LRP2: variants seen among roughly 807,000 people sequenced by gnomAD.
LRP2 encodes the protein LDL receptor related protein 2.
LRP2 carries 172 observed loss-of-function variants against 531.0 expected under a neutral mutation model. That is an observed-to-expected ratio of 0.32 (90% CI 0.29 to 0.37). The LOEUF (loss-of-function observed/expected upper bound fraction) is 0.37, where lower values mean the gene tolerates loss of function less well. Ranked by LOEUF, LRP2 falls within the 10% of genes least tolerant of loss-of-function variation. The probability of loss-of-function intolerance (pLI) is 1.00; values close to 1 mark genes in which losing one functional copy is unlikely to be tolerated. For missense variants in LRP2, 5,167 were observed against 5,868.3 expected (o/e 0.88, Z 3.90); for synonymous variants, 1,992 against 2,027.6 (o/e 0.98, Z 0.47).
chr2:169,146,032 T>G (rs1685895138), intron 69 of LRP2, 109 bp from the exon 70 acceptor site: 2 of 984,596 alleles, frequency 2.0e-6, no homozygotes, highest in Non-Finnish European at 3.1e-6. Context: ...AATTATTCCC[T>G]CATACAATGC....
chr2:169,182,187 A>G lies in LRP2; in HGVS notation c.9978T>C (p.Leu3326=). The G allele has an allele frequency of 6.2e-7, 1 of 1,614,148 alleles. No individual in the cohort carries two copies. The highest frequency in any genetic ancestry group is 8.5e-7 in the Non-Finnish European group (1 of 1,180,008). The change falls in exon 51 of 79, where the codon CTT becomes CTC. Residue 3326 remains leucine (L), a synonymous_variant. Coordinates refer to ENST00000649046, the MANE Select transcript of LRP2 (RefSeq NM_004525.3). ...NTFCFDNPRG[L]ALHPQYGYLY... ...AATACCCATATTGAGGGTGAAGGGC[A>G]AGTCCTCTGGGATTATCAAAGCAGA...
rs550141077 is a variant in LRP2, at chr2:169,244,945, C to A, written c.3191-13G>T. On this transcript the variant is annotated splice_polypyrimidine_tract_variant and intron_variant, in intron 21 of 78. Coordinates refer to ENST00000649046, the MANE Select transcript of LRP2 (RefSeq NM_004525.3). ...GAACAGGTATTATCTACAATAGTAA[C>A]AAACTGGTCATGAAGACATTTGTTT... 1.2e-6 allele frequency: 2 copies of A among 1,614,100 alleles called. No homozygotes were observed. The highest frequency in any genetic ancestry group is 2.2e-5 in the East Asian group (1 of 44,886).
intron 29 of LRP2, among the ~76,000 whole-genome samples, 172 bp from the exon 30 acceptor site, chr2:169,233,760 A>G (rs1429570456): frequency 6.6e-6 from 1 of 152,270 alleles, no homozygotes; most frequent in Non-Finnish European, 1.5e-5. Context: ...AATTCGTCCT[A>G]TATCCCACTA....
At chr2:169,307,567 C>A (rs577581766) in intron 3 of LRP2, among the ~76,000 whole-genome samples, 170 bp from the exon 4 acceptor site, 48 of 148,876 alleles carry the variant, frequency 3.2e-4, no homozygotes, top group Admixed American at 4.0e-4. Flanking sequence ...ATAATGTTAT[C>A]AAAATGCCCA....
At position 169,231,959 on chromosome 2, in the gene LRP2, T is replaced by C. The variant is rs1689423104; in HGVS notation, c.5099-117A>G. The C allele has an allele frequency of 4.8e-6, 6 of 1,247,076 alleles. No individual in the cohort carries two copies. The East Asian group carries it at 1.5e-4, about 32-fold the overall frequency. 77.3% of individuals were successfully genotyped at this position (1,247,076 alleles called of 1,614,324 possible). On this transcript the variant is annotated intron_variant, in intron 30 of 78. Transcript: ENST00000649046. The stretch of plus-strand genomic sequence containing the variant: ...CCCAGTACAGGGGGGCTTAAGTACG[T>C]TGTTACCTCTGTTGTTTTCTTTTGT...
chr2:169,317,029 A>G (rs74342879), intron 3 of LRP2, among the ~76,000 whole-genome samples: 5,066 of 152,272 alleles, frequency 0.033, 136 homozygotes, highest in Non-Finnish European at 0.055. Context: ...TTTAGTGAAT[A>G]CAGAGGTGGC....
intron 55 of LRP2, 135 bp downstream of exon 55, chr2:169,175,058 G>A (rs533884469): frequency 4.2e-5 from 28 of 670,112 alleles, no homozygotes; most frequent in African/African-American, 3.8e-4. Flanking sequence ...AATAGAAAAA[G>A]GATGGAGCCT....
In LRP2 at chr2:169,156,331, A is replaced by T; in HGVS notation, c.12094T>A (p.Cys4032Ser). ...CTCATAGACGTGAAGCCATCAGCAC[A>T]GACACACTCATAACTTCCTTTGGTA... ...RNTKGSYECV[C>S]ADGFTSMSDR... The change falls in exon 65 of 79, where the codon TGT (cysteine) becomes AGT (serine). Residue 4032 changes from cysteine to serine, a missense_variant. By Grantham distance (112) the Cys-to-Ser change is moderately radical. Around this residue, in one of 6 missense-constraint regions of LRP2, gnomAD observed 564 missense variants for 747.7 expected, o/e 0.75. Coordinates refer to ENST00000649046, the MANE Select transcript of LRP2 (RefSeq NM_004525.3). 6.2e-7 allele frequency: 1 copy of T among 1,613,762 alleles called. No homozygotes were observed. Among genetic ancestry groups the T allele is most frequent in the Non-Finnish European group, 8.5e-7 (1 of 1,179,718 alleles).
rs982773224 is a variant in LRP2 at position 169,297,715 on chromosome 2, A to T, written c.428-3005T>A. On this transcript the variant is annotated intron_variant, in intron 4 of 78. Coordinates refer to ENST00000649046, the MANE Select transcript of LRP2 (RefSeq NM_004525.3). ...GTTTGAAGCAAGAAATTTCTATGCT[A>T]TAGTTCTGTTTACATAATCAGGGAG... Among the ~76,000 whole-genome samples the T allele has an allele frequency of 5.3e-5, 8 of 152,168 alleles. No individual in the cohort carries two copies. In the East Asian group the frequency reaches 1.5e-3, roughly 29 times the overall value.
rs932886306 is a variant in LRP2, at chr2:169,128,819, C to G, written c.13812G>C (p.Glu4604Asp). The change falls in exon 79 of 79, where the codon GAG (glutamate) becomes GAC (aspartate). Residue 4604 changes from glutamate (E) to aspartate (D), a missense_variant. Glu to Asp is a conservative substitution (Grantham distance 45). This residue lies in a region of LRP2 where 348 missense variants were observed against 369.3 expected (regional missense o/e 0.94). Coordinates refer to ENST00000649046, the MANE Select transcript of LRP2 (RefSeq NM_004525.3). Reference sequence around the variant, plus strand: ...GTGTCGCAGCAACACTTTCCTTTTGCTCGTTCTCCATCTAAGAATACAATG... The same window carrying G: ...GTGTCGCAGCAACACTTTCCTTTTGGTCGTTCTCCATCTAAGAATACAATG... ...ENPIYAQMEN[E>D]QKESVAATPP... 2.5e-5 allele frequency: 40 copies of G among 1,613,958 alleles called. No homozygotes were observed. Among genetic ancestry groups the G allele is most frequent in the Non-Finnish European group, 3.4e-5 (40 of 1,179,994 alleles).
At chr2:169,292,621 C>T (rs1353093143) in intron 6 of LRP2, among the ~76,000 whole-genome samples, 1 of 151,946 alleles carries the variant, frequency 6.6e-6, no homozygotes, top group Non-Finnish European at 1.5e-5. Flanking sequence ...AAAATTAGAT[C>T]AGCCTGGGCA....
At chr2:169,150,714 A>T (rs1314606434) in intron 68 of LRP2, among the ~76,000 whole-genome samples, 184 bp downstream of exon 68, 4 of 152,208 alleles carry the variant, frequency 2.6e-5, no homozygotes, top group Non-Finnish European at 5.9e-5. Context: ...TCCCCATCAG[A>T]AATGGTTGGT....
chr2:169,208,853 C>T (rs1688495779), intron 38 of LRP2, among the ~76,000 whole-genome samples: 1 of 151,994 alleles, frequency 6.6e-6, no homozygotes, highest in African/African-American at 2.4e-5. Flanking sequence ...ACATATAATA[C>T]CACTAATTAT....
intron 16 of LRP2, among the ~76,000 whole-genome samples, chr2:169,263,411 C>G (rs1487938025): frequency 6.6e-6 from 1 of 151,344 alleles, no homozygotes; most frequent in East Asian, 2.0e-4. Context: ...AAAAAACAAA[C>G]AACCCCATCA....
intron 69 of LRP2, 141 bp downstream of exon 69, chr2:169,146,598 T>C (rs1254666669): frequency 1.6e-6 from 1 of 632,866 alleles, no homozygotes; most frequent in East Asian, 2.8e-5. Flanking sequence ...AGGTGGGAGT[T>C]GGTGGGGGTG....
intron 1 of LRP2, among the ~76,000 whole-genome samples, chr2:169,338,725 A>T (rs1685488215): frequency 6.6e-6 from 1 of 152,282 alleles, no homozygotes; most frequent in African/African-American, 2.4e-5. Flanking sequence ...CAAAGTCTGA[A>T]TAGCCAGATG....
intron 48 of LRP2, 38 bp from the exon 49 acceptor site, chr2:169,188,303 G>A (rs1687704731): frequency 6.2e-7 from 1 of 1,601,450 alleles, no homozygotes; most frequent in Non-Finnish European, 8.6e-7. Flanking sequence ...CAGAGAGGTT[G>A]GCAATAAACC....
rs867848366 is a variant in LRP2, at chr2:169,304,977, C to T, written c.427+2304G>A. The stretch of plus-strand genomic sequence containing the variant: ...ACTAACACAGGAATAGAAAACCAAA[C>T]GCCACATGTTCTCACTCATAAGTGG... On this transcript the variant is annotated intron_variant, in intron 4 of 78. Transcript: ENST00000649046. Among the ~76,000 whole-genome samples, 14 of 152,112 alleles carry T rather than the reference C, an allele frequency of 9.2e-5. No individual in the cohort carries two copies. The South Asian group carries it at 1.9e-3, about 20-fold the overall frequency.
intron 1 of LRP2, among the ~76,000 whole-genome samples, chr2:169,328,441 TAAAAAAAAAAAAA>T (rs537210492): frequency 4.1e-5 from 2 of 49,144 alleles, no homozygotes; most frequent in African/African-American, 7.4e-5. Flanking sequence ...CGGGCCGGGA[TAAAAAAAAAAAAA>T]AAAAAAAAAA....
Sources: gnomAD v4.1 joint callset for allele counts (sites outside exome capture counted in the v4.1 genomes callset) on GRCh38, gnomAD v4.1.1 for gene constraint, gnomAD v4.1.1 regional missense constraint, MANE v1.5 for transcripts, NCBI Gene and HGNC (gene_info 2026-07-23, HGNC 2026-07-21) for gene names.